HFM1: variants seen among roughly 807,000 people sequenced by gnomAD.
HFM1 encodes helicase for meiosis 1, also known as probable ATP-dependent DNA helicase HFM1.
In HFM1, 169 loss-of-function variants were observed where a neutral mutation model predicts 192.1. The ratio of observed to expected loss-of-function variants is 0.88; its 90% confidence interval spans 0.78 to 1.00. The LOEUF (loss-of-function observed/expected upper bound fraction) is 1.00, where lower values mean the gene tolerates loss of function less well. Among genes scored for constraint, HFM1 ranks in the 50% least tolerant of loss-of-function variants. The probability of loss-of-function intolerance (pLI) is 0.00; values close to 1 mark genes in which losing one functional copy is unlikely to be tolerated. For synonymous variants in HFM1, 525 were observed against 537.8 expected, an observed-to-expected ratio of 0.98 and a Z score of 0.33; for missense variants, 1,661 against 1,668.0, an observed-to-expected ratio of 1.00 and a Z score of 0.07.
In HFM1 at chr1:91,319,397, G is replaced by GA; in HGVS notation, c.2583-8dup. 6.3e-7 allele frequency: 1 copy of GA among 1,579,244 alleles called. No homozygotes were observed. The highest frequency in any genetic ancestry group is 8.7e-7 in the Non-Finnish European group (1 of 1,150,028). ...TAGTTGAGCCTGAATAAGACTGGGGGAAAGAAAAAAAATTGTTACTCCCTT... is the reference window on the plus strand; with the variant it reads ...TAGTTGAGCCTGAATAAGACTGGGGGAAAAGAAAAAAAATTGTTACTCCCTT... On this transcript the variant is annotated splice_region_variant and splice_polypyrimidine_tract_variant and intron_variant, in intron 23 of 38. Transcript: ENST00000370425.
Position 91,394,348 on chromosome 1 carries a change from T to A in HFM1, c.239A>T (p.Asp80Val). 6.4e-7 allele frequency: 1 copy of A among 1,571,966 alleles called. No individual in the cohort carries two copies. Among genetic ancestry groups the A allele is most frequent in the Non-Finnish European group, 8.7e-7 (1 of 1,145,284 alleles). ...LTSNLKITNE[D>V]TNYISLTQKF... ...TTGTGTTAGTGAAATATAATTTGTA[T>A]CTTCATTAGTTATCTTTAAATTTGA... Residue 80 changes from aspartate (D) to valine (V), a missense_variant, in exon 4 of 39, where the codon GAT becomes GTT. By Grantham distance (152) the Asp-to-Val change is radical. Coordinates refer to ENST00000370425, the MANE Select transcript of HFM1 (RefSeq NM_001017975.6).
chr1:91,326,058 A>T (rs1460384383), intron 20 of HFM1, among the ~76,000 whole-genome samples: 1 of 152,128 alleles, frequency 6.6e-6, no homozygotes, highest in Non-Finnish European at 1.5e-5. Context: ...GAAAATACAT[A>T]GTCAGAGGAG....
intron 30 of HFM1, among the ~76,000 whole-genome samples, chr1:91,295,507 G>A (rs1305085706): frequency 6.6e-6 from 1 of 152,074 alleles, no homozygotes. Context: ...CAGGCATATT[G>A]GATTGGGGTT....
chr1:91,369,640 G>C lies in HFM1; in HGVS notation c.1685+5718C>G, dbSNP rs563291030. ...ACTAAATGCCCACAAGAGAAAGCAG[G>C]AAAGATAAAAATTGACACCCTAACA... On this transcript the variant is annotated intron_variant, in intron 13 of 38. Coordinates refer to ENST00000370425, the MANE Select transcript of HFM1 (RefSeq NM_001017975.6). Among the ~76,000 whole-genome samples the C allele has an allele frequency of 4.6e-5, 7 of 152,230 alleles. No homozygotes were observed. The South Asian group carries it at 1.0e-3, about 23-fold the overall frequency.
intron 34 of HFM1, among the ~76,000 whole-genome samples, chr1:91,271,868 C>T (rs1666331808): frequency 6.6e-6 from 1 of 152,092 alleles, no homozygotes; most frequent in South Asian, 2.1e-4. Flanking sequence ...TTTTTCTGGC[C>T]TTGCCATTAA....
chr1:91,349,815 A>G (rs1656683664), intron 18 of HFM1, among the ~76,000 whole-genome samples: 1 of 152,236 alleles, frequency 6.6e-6, no homozygotes, highest in Admixed American at 6.5e-5. Context: ...GATTTGTTTC[A>G]GGGTAATTTG....
intron 9 of HFM1, 90 bp from the exon 10 acceptor site, chr1:91,378,570 A>C: frequency 1.4e-6 from 1 of 732,554 alleles, no homozygotes; most frequent in Non-Finnish European, 2.3e-6. Context: ...AACATGACGT[A>C]TTACAAATAA....
chr1:91,315,768 A>G, intron 28 of HFM1, 47 bp downstream of exon 28: 1 of 1,392,276 alleles, frequency 7.2e-7, no homozygotes, highest in Non-Finnish European at 9.7e-7. Flanking sequence ...TTTCTTTTAC[A>G]GTATATGCTT....
In HFM1 at chr1:91,274,771, C is replaced by A; in HGVS notation, c.3627G>T (p.Glu1209Asp). ...MNKSQSVDLKEFGFTPKPSLP... is the reference protein window; with the variant it reads ...MNKSQSVDLKDFGFTPKPSLP... Reference sequence around the variant, plus strand: ...GGGAAGGTTTTGGAGTAAAACCAAACTCTTTAAGGTCCACACTTTGAGATT... The same window carrying A: ...GGGAAGGTTTTGGAGTAAAACCAAAATCTTTAAGGTCCACACTTTGAGATT... Residue 1209 changes from glutamate (E) to aspartate (D), a missense_variant, in exon 33 of 39, where the codon GAG becomes GAT. Coordinates refer to ENST00000370425, the MANE Select transcript of HFM1 (RefSeq NM_001017975.6). 3 of 1,572,386 alleles carry A rather than the reference C, an allele frequency of 1.9e-6. No homozygotes were observed. Among genetic ancestry groups the A allele is most frequent in the Non-Finnish European group, 2.6e-6 (3 of 1,144,404 alleles).
intron 30 of HFM1, among the ~76,000 whole-genome samples, chr1:91,302,310 T>C (rs1266571845): frequency 2.0e-4 from 30 of 151,800 alleles, no homozygotes; most frequent in Admixed American, 1.1e-3. Context: ...TGTGGAGAAA[T>C]AGGAACACTT....
chr1:91,302,154 T>C (rs1372110671), intron 30 of HFM1, among the ~76,000 whole-genome samples: 1 of 151,182 alleles, frequency 6.6e-6, no homozygotes, highest in Non-Finnish European at 1.5e-5. Context: ...AAAGAAGACA[T>C]TTATGCAGCC....
At chr1:91,314,129 G>T in intron 28 of HFM1, 69 bp from the exon 29 acceptor site, 1 of 934,494 alleles carries the variant, frequency 1.1e-6, no homozygotes, top group Non-Finnish European at 1.6e-6. Flanking sequence ...TTGAAGGGCT[G>T]ATTGTTCTTA....
chr1:91,296,686 T>C (rs1389641655), intron 30 of HFM1, among the ~76,000 whole-genome samples: 2 of 152,346 alleles, frequency 1.3e-5, no homozygotes, highest in South Asian at 4.1e-4. Context: ...ATGTTTTCCC[T>C]AATTTCCCTT....
chr1:91,315,656 C>A (rs1190206141), intron 28 of HFM1, among the ~76,000 whole-genome samples, 159 bp downstream of exon 28: 3 of 152,258 alleles, frequency 2.0e-5, no homozygotes, highest in African/African-American at 7.2e-5. Context: ...ATGTTAATAT[C>A]TTCTTTAATA....
chr1:91,394,531 C>T (rs1663411502), intron 3 of HFM1, 129 bp from the exon 4 acceptor site: 5 of 609,102 alleles, frequency 8.2e-6, no homozygotes. Flanking sequence ...TAGTAATAAG[C>T]TCATCTGTAA....
At chr1:91,277,370 C>T (rs1028217837) in intron 30 of HFM1, among the ~76,000 whole-genome samples, 2 of 151,062 alleles carry the variant, frequency 1.3e-5, no homozygotes, top group Non-Finnish European at 2.9e-5. Flanking sequence ...CAGGCACTTA[C>T]CACCATGCCT....
intron 30 of HFM1, among the ~76,000 whole-genome samples, chr1:91,307,421 T>G (rs1259214142): frequency 6.6e-6 from 1 of 152,160 alleles, no homozygotes; most frequent in Non-Finnish European, 1.5e-5. Flanking sequence ...TGTGATCATT[T>G]TCCTCTAAGG....
At chr1:91,402,421 T>C (rs1486069549) in intron 1 of HFM1, among the ~76,000 whole-genome samples, 1 of 152,174 alleles carries the variant, frequency 6.6e-6, no homozygotes, top group Non-Finnish European at 1.5e-5. Context: ...AATTGCCCTC[T>C]TCATTTTTCT....
At position 91,372,851 on chromosome 1, in the gene HFM1, T is replaced by C. The variant is rs1660415276; in HGVS notation, c.1685+2507A>G. On this transcript the variant is annotated intron_variant, in intron 13 of 38. Transcript: ENST00000370425. ...TAATTTCACTTTCTCCCTTTCTTTC[T>C]ACCTCTCAGACTTCATCTACTTTTT... Among the ~76,000 whole-genome samples, 5 of 152,214 alleles carry C rather than the reference T, an allele frequency of 3.3e-5. No homozygotes were observed. The South Asian group carries it at 1.0e-3, about 32-fold the overall frequency.
Sources: gnomAD v4.1 joint callset for allele counts (sites outside exome capture counted in the v4.1 genomes callset) on GRCh38, gnomAD v4.1.1 for gene constraint, MANE v1.5 for transcripts, NCBI Gene and HGNC (gene_info 2026-07-23, HGNC 2026-07-21) for gene names.